Variants in PUM1 observed in about 807,000 individuals in gnomAD.
PUM1 encodes pumilio RNA binding family member 1.
Under a neutral mutation model 131.8 loss-of-function variants are expected in PUM1, and 13 were observed. The observed-to-expected ratio is 0.10, with a 90% CI of 0.06 to 0.16. The LOEUF (loss-of-function observed/expected upper bound fraction) is 0.16, where lower values mean the gene tolerates loss of function less well. Ranked by LOEUF, PUM1 falls within the 10% of genes least tolerant of loss-of-function variation. PUM1 has a pLI of 1.00. For synonymous variants in PUM1, 509 were observed against 556.5 expected (o/e 0.91, Z 1.20); for missense variants, 961 against 1,512.4 (o/e 0.64, Z 6.05).
intron 2 of PUM1, chr1:31,037,327 T>A (rs959754494): frequency 1.3e-5 from 2 of 152,254 alleles, no homozygotes; most frequent in African/African-American, 4.8e-5. Flanking sequence ...CAAGTATCGG[T>A]GACGCTTCAT....
intron 1 of PUM1, 97 bp downstream of exon 1, chr1:31,065,519 C>T (rs1164877253): frequency 1.5e-5 from 20 of 1,370,376 alleles, no homozygotes; most frequent in South Asian, 1.4e-4. Context: ...AAGCCCTTCT[C>T]ACCCCCACAA....
At position 30,938,932 on chromosome 1, in the gene PUM1, CAGACAGACAGACAGAT is replaced by C. The variant is rs1341264883; in HGVS notation, c.3243-2113_3243-2098del. ...ACAGACAGACAGACAGACAGACAGACAGACAGACAGACAGATAGACAGATAGACAGATACATACATA... is the reference window on the plus strand; with the variant it reads ...ACAGACAGACAGACAGACAGACAGACAGACAGATAGACAGATACATACATA... On this transcript the variant is annotated intron_variant, in intron 20 of 21. Transcript: ENST00000426105. Among the ~76,000 whole-genome samples the C allele has an allele frequency of 4.1e-3, 570 of 139,664 alleles. 6 individuals are homozygous for C. Among genetic ancestry groups the C allele is most frequent in the African/African-American group, 0.016 (503 of 32,296 alleles). The allele number at this position is 139,664 out of a possible 152,430, so 91.6% of individuals were successfully genotyped here.
intron 3 of PUM1, among the ~76,000 whole-genome samples, chr1:31,019,762 T>C (rs1642953868): frequency 6.6e-6 from 1 of 152,176 alleles, no homozygotes; most frequent in African/African-American, 2.4e-5. Context: ...AGACTGACAG[T>C]AAAGTATGTT....
At chr1:31,040,742 T>C (rs569510525) in intron 2 of PUM1, among the ~76,000 whole-genome samples, 7 of 152,010 alleles carry the variant, frequency 4.6e-5, no homozygotes, top group African/African-American at 1.7e-4. Flanking sequence ...CCCTCATCTC[T>C]AAAACTAATA....
At chr1:30,971,378 C>T (rs1640866284) in intron 10 of PUM1, among the ~76,000 whole-genome samples, 1 of 152,146 alleles carries the variant, frequency 6.6e-6, no homozygotes, top group Admixed American at 6.5e-5. Context: ...ACAATGGCTG[C>T]TAATTAAAAA....
At position 30,950,238 on chromosome 1, in the gene PUM1, C is replaced by G. The variant is rs1639871223; in HGVS notation, c.2745G>C (p.Leu915=). ...GGCCTCGAATCCGTTCTGCCAAAGC[C>G]AGCTTCTGTTCAAGACTGCCAAACT... is the stretch of plus-strand genomic sequence containing the variant. ...FFEFGSLEQK[L]ALAERIRGHV... The change falls in exon 17 of 22, where the codon CTG becomes CTC. Residue 915 remains leucine (L), a synonymous_variant. Transcript: ENST00000426105. 6.2e-7 allele frequency: 1 copy of G among 1,613,696 alleles called. No individual in the cohort carries two copies. Among genetic ancestry groups the G allele is most frequent in the African/African-American group, 1.3e-5 (1 of 74,926 alleles).
At chr1:30,983,906 ATAT>A (rs1483695188) in intron 7 of PUM1, among the ~76,000 whole-genome samples, 2 of 151,966 alleles carry the variant, frequency 1.3e-5, no homozygotes, top group Non-Finnish European at 2.9e-5. Flanking sequence ...CCTGGGCTAT[ATAT>A]TTTTTTAATA....
chr1:30,940,233 T>C (rs1283972791), intron 20 of PUM1, among the ~76,000 whole-genome samples: 1 of 152,190 alleles, frequency 6.6e-6, no homozygotes, highest in East Asian at 1.9e-4. Flanking sequence ...ATCCCAGCAC[T>C]TTGGGAGGCC....
intron 7 of PUM1, among the ~76,000 whole-genome samples, chr1:30,983,015 T>G (rs1047555420): frequency 2.0e-5 from 3 of 152,186 alleles, no homozygotes; most frequent in African/African-American, 7.2e-5. Context: ...TTACTAAATA[T>G]CAAGTCTTAA....
At chr1:31,026,377 G>C (rs1480481789) in intron 3 of PUM1, among the ~76,000 whole-genome samples, 1 of 151,966 alleles carries the variant, frequency 6.6e-6, no homozygotes, top group Non-Finnish European at 1.5e-5. Flanking sequence ...AACTAAACTA[G>C]AAGATGCTTT....
At chr1:30,968,264 G>A (rs1347718194) in intron 11 of PUM1, 90 bp downstream of exon 11, 2 of 1,562,644 alleles carry the variant, frequency 1.3e-6, no homozygotes, top group East Asian at 4.5e-5. Flanking sequence ...CCTAAGCAAG[G>A]TGAAAGCACT....
chr1:30,970,778 T>A (rs1640843566), intron 10 of PUM1, among the ~76,000 whole-genome samples: 1 of 152,004 alleles, frequency 6.6e-6, no homozygotes, highest in African/African-American at 2.4e-5. Context: ...AGCACAGAAA[T>A]ATGGCAAATG....
intron 17 of PUM1, among the ~76,000 whole-genome samples, chr1:30,947,798 G>C (rs1287564843): frequency 6.6e-6 from 1 of 151,664 alleles, no homozygotes; most frequent in Non-Finnish European, 1.5e-5. Context: ...TTAAATTAAA[G>C]ATTACACTGG....
intron 15 of PUM1, among the ~76,000 whole-genome samples, chr1:30,953,122 T>A (rs1432154651): frequency 6.6e-6 from 1 of 152,198 alleles, no homozygotes; most frequent in African/African-American, 2.4e-5. Flanking sequence ...GCCTATAGAA[T>A]TCAAATATGA....
intron 7 of PUM1, among the ~76,000 whole-genome samples, chr1:30,987,176 T>C (rs1641594774): frequency 6.6e-6 from 1 of 151,562 alleles, no homozygotes. Flanking sequence ...GTTTGTAACA[T>C]AATACAACCT....
At chr1:31,006,082 A>C (rs1374566413) in intron 4 of PUM1, 51 bp from the exon 5 acceptor site, 3 of 1,451,912 alleles carry the variant, frequency 2.1e-6, no homozygotes, top group Admixed American at 2.3e-5. Context: ...GGCTCAAACA[A>C]ATTATGAGTG....
At position 30,933,134 on chromosome 1, in the gene PUM1, C is replaced by A; in HGVS notation, c.*77G>T. 6.6e-7 allele frequency: 1 copy of A among 1,525,486 alleles called. No homozygotes were observed. The highest frequency in any genetic ancestry group is 2.0e-5 in the Admixed American group (1 of 50,210). 94.5% of individuals were successfully genotyped at this position (1,525,486 alleles called of 1,614,324 possible). On this transcript the variant is annotated 3_prime_UTR_variant, in exon 22 of 22. Coordinates refer to ENST00000426105, the MANE Select transcript of PUM1 (RefSeq NM_001020658.2). ...GCCCGTCTCAGACTCTACACTAGAA[C>A]ATTTCTGGTTGCTGGTTGGATTTGC...
intron 5 of PUM1, among the ~76,000 whole-genome samples, chr1:30,999,698 C>T (rs1159831478): frequency 6.9e-6 from 1 of 145,124 alleles, no homozygotes; most frequent in African/African-American, 2.5e-5. Flanking sequence ...CTAACACTTA[C>T]TGGTCACAGG....
chr1:31,054,595 T>C (rs1454776616), intron 2 of PUM1, among the ~76,000 whole-genome samples: 1 of 143,802 alleles, frequency 7.0e-6, no homozygotes, highest in African/African-American at 2.5e-5. Flanking sequence ...GGCAATAGGA[T>C]CACTTTATAT....
Sources: allele counts gnomAD v4.1 joint callset (sites outside exome capture counted in the v4.1 genomes callset), GRCh38; gene constraint gnomAD v4.1.1; transcripts MANE v1.5; gene names NCBI Gene and HGNC (gene_info 2026-07-23, HGNC 2026-07-21).